The following CRYBB2 variants were observed in gnomAD, a reference collection of about 807,000 sequenced individuals.
CRYBB2 encodes crystallin beta B2, also known as beta-crystallin B2.
Under a neutral mutation model 24.3 loss-of-function variants are expected in CRYBB2, and 12 were observed. The ratio of observed to expected loss-of-function variants is 0.49; its 90% confidence interval spans 0.32 to 0.80. The LOEUF (loss-of-function observed/expected upper bound fraction) is 0.80. Among genes scored for constraint, CRYBB2 ranks in the 30% least tolerant of loss-of-function variants. The pLI, the probability that CRYBB2 is intolerant of heterozygous loss-of-function variation, is 0.04. For synonymous variants in CRYBB2, 98 were observed against 101.6 expected, an observed-to-expected ratio of 0.96 and a Z score of 0.21; for missense variants, 198 against 268.5, an observed-to-expected ratio of 0.74 and a Z score of 1.83.
intron 1 of CRYBB2, among the ~76,000 whole-genome samples, chr22:25,220,116 C>T (rs1411122529): frequency 6.6e-6 from 1 of 152,114 alleles, no homozygotes; most frequent in East Asian, 1.9e-4. Context: ...TAGGATGCAG[C>T]CACAGGTATG....
At chr22:25,213,995 C>T (rs1935136812) in intron 1 of CRYBB2, among the ~76,000 whole-genome samples, 2 of 152,164 alleles carry the variant, frequency 1.3e-5, no homozygotes, top group Non-Finnish European at 2.9e-5. Flanking sequence ...CAGCTCTCCA[C>T]GACCTAGCTC....
chr22:25,224,458 CTG>C (rs1382457137), intron 2 of CRYBB2, among the ~76,000 whole-genome samples: 2 of 152,190 alleles, frequency 1.3e-5, no homozygotes, highest in African/African-American at 2.4e-5. Flanking sequence ...AGAGCAAATA[CTG>C]TGTGCTAACC....
At chr22:25,213,041 AT>A (rs1261579192) in intron 1 of CRYBB2, among the ~76,000 whole-genome samples, 1 of 152,194 alleles carries the variant, frequency 6.6e-6, no homozygotes, top group Non-Finnish European at 1.5e-5. Context: ...CAAAATACAT[AT>A]TTTTATACAT....
chr22:25,218,084 AC>A (rs1245285952), upstream of CRYBB2, among the ~76,000 whole-genome samples: 2 of 151,360 alleles, frequency 1.3e-5, no homozygotes, highest in African/African-American at 4.9e-5. Flanking sequence ...ACAGTGAAAC[AC>A]CGTCTCTACT....
chr22:25,218,393 A>T (rs1935216096), upstream of CRYBB2, among the ~76,000 whole-genome samples: 1 of 151,994 alleles, frequency 6.6e-6, no homozygotes, highest in Non-Finnish European at 1.5e-5. Flanking sequence ...GCAGTGGCTC[A>T]TGCCTGGAAT....
At chr22:25,222,649 AG>A (rs1935341247) in intron 2 of CRYBB2, among the ~76,000 whole-genome samples, 1 of 152,214 alleles carries the variant, frequency 6.6e-6, no homozygotes, top group Non-Finnish European at 1.5e-5. Context: ...AAAGACTCCG[AG>A]GTGGGAATGA....
upstream of CRYBB2, among the ~76,000 whole-genome samples, chr22:25,218,771 GAGAGAGAGAAGA>G (rs1569016197): frequency 7.4e-4 from 13 of 17,598 alleles, no homozygotes; most frequent in African/African-American, 2.1e-3. Context: ...GAGAGAGAGA[GAGAGAGAGAAGA>G]AAGAAAGAAA....
chr22:25,227,198 C>T (rs1935434225), intron 3 of CRYBB2, among the ~76,000 whole-genome samples: 1 of 152,226 alleles, frequency 6.6e-6, no homozygotes, highest in South Asian at 2.1e-4. Flanking sequence ...CTATTTTCTG[C>T]TTTCCTCTAT....
chr22:25,228,114 T>C, intron 4 of CRYBB2, 129 bp downstream of exon 4: 1 of 1,420,960 alleles, frequency 7.0e-7, no homozygotes, highest in Non-Finnish European at 9.7e-7. Flanking sequence ...CCCCTTCTGA[T>C]TGGTGAGGAA....
chr22:25,217,965 A>G (rs1052931707), upstream of CRYBB2, among the ~76,000 whole-genome samples: 7 of 152,210 alleles, frequency 4.6e-5, no homozygotes, highest in African/African-American at 1.7e-4. Flanking sequence ...TGCACTAAAG[A>G]AACATGAGTA....
intron 5 of CRYBB2, among the ~76,000 whole-genome samples, chr22:25,230,571 AAG>A (rs1444919556): frequency 6.7e-6 from 1 of 149,780 alleles, no homozygotes; most frequent in Admixed American, 6.7e-5. Flanking sequence ...GCTGCTAATT[AAG>A]GCTCTTTCCC....
upstream of CRYBB2, among the ~76,000 whole-genome samples, chr22:25,217,987 C>T (rs561635070): frequency 1.4e-4 from 22 of 152,086 alleles, no homozygotes; most frequent in African/African-American, 4.8e-4. Flanking sequence ...AGGCCGGGCG[C>T]GGTGGCTCAC....
At chr22:25,227,189 T>C (rs1935434172) in intron 3 of CRYBB2, among the ~76,000 whole-genome samples, 1 of 152,246 alleles carries the variant, frequency 6.6e-6, no homozygotes, top group African/African-American at 2.4e-5. Flanking sequence ...TTCTTCCTTC[T>C]ATTTTCTGCT....
intron 1 of CRYBB2, 126 bp from the exon 2 acceptor site, chr22:25,221,278 G>T: frequency 1.4e-6 from 1 of 704,706 alleles, no homozygotes. Flanking sequence ...CCACAGCTCT[G>T]GGACAGTCTG....
At chr22:25,228,367 C>T (rs1327757961) in intron 4 of CRYBB2, among the ~76,000 whole-genome samples, 1 of 148,730 alleles carries the variant, frequency 6.7e-6, no homozygotes, top group African/African-American at 2.5e-5. Context: ...GGTTGGGCAA[C>T]TCCCGTCATT....
intron 4 of CRYBB2, among the ~76,000 whole-genome samples, chr22:25,228,909 C>CAT (rs968743676): frequency 2.5e-4 from 38 of 152,198 alleles, no homozygotes; most frequent in African/African-American, 8.7e-4. Context: ...TTAGCCTGTG[C>CAT]GTGTGTGTGT....
upstream of CRYBB2, among the ~76,000 whole-genome samples, chr22:25,212,015 T>C (rs1188134706): frequency 1.3e-5 from 2 of 152,242 alleles, no homozygotes; most frequent in African/African-American, 2.4e-5. Flanking sequence ...GAGATAATAA[T>C]GCTACCTATC....
At chr22:25,220,911 G>T (rs1189508585) in intron 1 of CRYBB2, among the ~76,000 whole-genome samples, 1 of 152,184 alleles carries the variant, frequency 6.6e-6, no homozygotes, top group Non-Finnish European at 1.5e-5. Flanking sequence ...ATGGGGAGAG[G>T]AGTCCCAGGG....
rs755253411 is a variant in CRYBB2, at chr22:25,221,500, G to T, written c.54+17G>T. 6.2e-7 allele frequency: 1 copy of T among 1,603,384 alleles called. No individual in the cohort carries two copies. The highest frequency in any genetic ancestry group is 8.5e-7 in the Non-Finnish European group (1 of 1,170,220). On this transcript the variant is annotated intron_variant, in intron 2 of 5. Transcript: ENST00000398215. ...AACCCCAAGGTGGGTACCTCTCAGA[G>T]GAGGGGGCATGCAATGCTCCTCCCC...
Sources: gnomAD v4.1 joint callset for allele counts (sites outside exome capture counted in the v4.1 genomes callset) on GRCh38, gnomAD v4.1.1 for gene constraint, MANE v1.5 for transcripts, NCBI Gene and HGNC (gene_info 2026-07-23, HGNC 2026-07-21) for gene names.